Variants in UTP11 observed in about 807,000 individuals in gnomAD.
UTP11 encodes the protein UTP11 small subunit processome component.
A neutral mutation model predicts 39.0 loss-of-function variants in UTP11; 29 were observed. The ratio of observed to expected loss-of-function variants is 0.74; its 90% confidence interval spans 0.55 to 1.01. The LOEUF (loss-of-function observed/expected upper bound fraction) is 1.01. Among genes scored for constraint, UTP11 ranks in the 50% least tolerant of loss-of-function variants. The probability of loss-of-function intolerance (pLI) is 0.00; values close to 1 mark genes in which losing one functional copy is unlikely to be tolerated. For synonymous variants in UTP11, 111 were observed against 105.0 expected, an observed-to-expected ratio of 1.06 and a Z score of -0.35; for missense variants, 281 against 306.0, an observed-to-expected ratio of 0.92 and a Z score of 0.61.
intron 6 of UTP11, 114 bp from the exon 7 acceptor site, chr1:38,022,585 G>A (rs973002086): frequency 1.0e-5 from 7 of 686,830 alleles, no homozygotes; most frequent in Non-Finnish European, 1.8e-5. Flanking sequence ...TGATTCTGGT[G>A]AAAGAAGGGA....
intron 1 of UTP11, 66 bp downstream of exon 1, chr1:38,012,931 G>C: frequency 6.2e-7 from 1 of 1,600,826 alleles, no homozygotes; most frequent in South Asian, 1.1e-5. Flanking sequence ...CCCCAACCCT[G>C]TCGCCACCGT....
At chr1:38,020,208 C>T (rs894818898) in intron 6 of UTP11, among the ~76,000 whole-genome samples, 3 of 151,986 alleles carry the variant, frequency 2.0e-5, no homozygotes, top group African/African-American at 7.3e-5. Flanking sequence ...CTTAAGCGAT[C>T]CTCCTGCCTC....
chr1:38,023,441 C>T, intron 7 of UTP11, 104 bp from the exon 8 acceptor site: 1 of 1,005,452 alleles, frequency 9.9e-7, no homozygotes, highest in Middle Eastern at 3.1e-4. Flanking sequence ...CCGTTCTCAA[C>T]TTTGAGAAGG....
In UTP11 at chr1:38,017,781, A is replaced by G. The variant is rs758310429; in HGVS notation, c.228+11A>G. ...CGGGTTAAACTCCAGGTGGGTGCCC[A>G]ATGGCTTGGTTGGTGTTTTGAGCTC... On this transcript the variant is annotated intron_variant, in intron 3 of 7. Transcript: ENST00000373014. 17 of 1,598,930 alleles carry G rather than the reference A, an allele frequency of 1.1e-5. No individual in the cohort carries two copies. The highest frequency in any genetic ancestry group is 7.1e-5 in the Admixed American group (4 of 56,448).
intron 1 of UTP11, among the ~76,000 whole-genome samples, chr1:38,014,616 A>G (rs1328872603): frequency 2.0e-5 from 3 of 152,078 alleles, no homozygotes; most frequent in Non-Finnish European, 2.9e-5. Context: ...TAAAGTTAAA[A>G]TTATTAGGGG....
chr1:38,015,978 G>T (rs1646705196), intron 1 of UTP11, among the ~76,000 whole-genome samples: 1 of 152,200 alleles, frequency 6.6e-6, no homozygotes. Flanking sequence ...TCTAAATTTA[G>T]CTCCCTTACC....
At chr1:38,015,019 GT>G (rs1287440927) in intron 1 of UTP11, among the ~76,000 whole-genome samples, 2 of 151,566 alleles carry the variant, frequency 1.3e-5, no homozygotes, top group South Asian at 2.1e-4. Context: ...TATTATACAA[GT>G]TTTTTTTTGT....
chr1:38,012,831 A>G lies in UTP11; in HGVS notation c.29A>G (p.Lys10Arg). ...GCGGCGGCTTTTCGGAAGGCGGCTA[A>G]GTCCCGGCAGCGGGAACACAGAGAG... Reference protein sequence around the residue: MAAAFRKAAKSRQREHRERS... With the variant: MAAAFRKAARSRQREHRERS... Residue 10 changes from lysine to arginine, a missense_variant, in exon 1 of 8, where the codon AAG (lysine) becomes AGG (arginine). Transcript: ENST00000373014. 6.2e-7 allele frequency: 1 copy of G among 1,614,226 alleles called. No homozygotes were observed. Among genetic ancestry groups the G allele is most frequent in the Non-Finnish European group, 8.5e-7 (1 of 1,180,032 alleles).
chr1:38,017,727 A>G lies in UTP11; in HGVS notation c.185A>G (p.Asn62Ser), dbSNP rs1646714338. 1.4e-5 allele frequency: 23 copies of G among 1,612,096 alleles called. No individual in the cohort carries two copies. The highest frequency in any genetic ancestry group is 1.7e-5 in the Non-Finnish European group (20 of 1,179,244). Residue 62 changes from asparagine to serine, a missense_variant, in exon 3 of 8, where the codon AAT becomes AGT. Physicochemically the swap from Asn to Ser is conservative, Grantham distance 46. Transcript: ENST00000373014. ...KALRKKALEK[N>S]PDEFYYKMTR... ...CTTCGGAAGAAGGCTCTTGAAAAAA[A>G]TCCAGATGAATTCTACTACAAAATG...
rs199693054 is a variant in UTP11 at position 38,022,791 on chromosome 1, A to G, written c.660A>G (p.Gln220=). 7 of 1,613,674 alleles carry G rather than the reference A, an allele frequency of 4.3e-6. No individual in the cohort carries two copies. The highest frequency in any genetic ancestry group is 5.1e-6 in the Non-Finnish European group (6 of 1,179,636). Residue 220 remains glutamine (Q), a synonymous_variant, in exon 7 of 8, where the codon CAA becomes CAG. Coordinates refer to ENST00000373014, the MANE Select transcript of UTP11 (RefSeq NM_016037.4). ...TGTTCGTTATTGCTCAGAAAATTCA[A>G]ACACGCAAAGATCTTATGGTGAGGA... The part of the protein sequence containing the change: ...KKLFVIAQKI[Q]TRKDLMDKTQ...
chr1:38,022,916 G>A, intron 7 of UTP11, 107 bp downstream of exon 7: 1 of 749,966 alleles, frequency 1.3e-6, no homozygotes, highest in Non-Finnish European at 2.2e-6. Flanking sequence ...CAACCCCAGT[G>A]AAAATGTCTG....
At chr1:38,022,959 G>A in intron 7 of UTP11, 150 bp downstream of exon 7, 5 of 623,128 alleles carry the variant, frequency 8.0e-6, no homozygotes, top group Non-Finnish European at 1.4e-5. Context: ...GCCAGTGTCT[G>A]TTACTCTGAC....
chr1:38,023,305 A>G (rs2148739975), intron 7 of UTP11, among the ~76,000 whole-genome samples: 1 of 152,326 alleles, frequency 6.6e-6, no homozygotes, highest in Non-Finnish European at 1.5e-5. Flanking sequence ...ATTTTAAATG[A>G]AACAACTACT....
rs772994909 is a variant in UTP11, at chr1:38,019,039, G to T, written c.343-20G>T. On this transcript the variant is annotated intron_variant, in intron 4 of 7. Coordinates refer to ENST00000373014, the MANE Select transcript of UTP11 (RefSeq NM_016037.4). Reference sequence around the variant, plus strand: ...CCTAGAAGAATCTAATATAAAGTGAGACCATATTCTGTGTTCTAGAAAATC... The same window carrying T: ...CCTAGAAGAATCTAATATAAAGTGATACCATATTCTGTGTTCTAGAAAATC... 3 of 1,576,934 alleles carry T rather than the reference G, an allele frequency of 1.9e-6. No individual in the cohort carries two copies. The highest frequency in any genetic ancestry group is 3.4e-4 in the Middle Eastern group (2 of 5,970).
chr1:38,021,412 C>T (rs538933286), intron 6 of UTP11, among the ~76,000 whole-genome samples: 1 of 152,266 alleles, frequency 6.6e-6, no homozygotes, highest in East Asian at 1.9e-4. Flanking sequence ...ACTGCAAAAT[C>T]ATTTTTATTA....
chr1:38,021,690 C>T (rs1392052442), intron 6 of UTP11, among the ~76,000 whole-genome samples: 5 of 152,060 alleles, frequency 3.3e-5, no homozygotes, highest in Admixed American at 6.6e-5. Context: ...GTCAGGAGTT[C>T]GAGACTAGCC....
chr1:38,017,634 T>C, intron 2 of UTP11, 34 bp from the exon 3 acceptor site: 1 of 1,429,892 alleles, frequency 7.0e-7, no homozygotes, highest in Non-Finnish European at 9.3e-7. Flanking sequence ...ATTTTTTTTT[T>C]TTTGCTATGA....
At chr1:38,021,008 G>A (rs1017351162) in intron 6 of UTP11, among the ~76,000 whole-genome samples, 1 of 151,420 alleles carries the variant, frequency 6.6e-6, no homozygotes, top group Admixed American at 6.6e-5. Context: ...TGCAACCTCT[G>A]CCTCCTGGGT....
rs140987712 is a variant in UTP11, at chr1:38,023,597, T to C, written c.731T>C (p.Ile244Thr). 191 of 1,610,924 alleles carry C rather than the reference T, an allele frequency of 1.2e-4. No individual in the cohort carries two copies. The highest frequency in any genetic ancestry group is 1.4e-4 in the Non-Finnish European group (166 of 1,178,790). The change falls in exon 8 of 8, where the codon ATT becomes ACT. Residue 244 changes from isoleucine to threonine, a missense_variant. Physicochemically the swap from Ile to Thr is moderately conservative, Grantham distance 89. Transcript: ENST00000373014. ...AAAGAAACGGTGAACTCCCCAGCTATTTATAAATTTCAGAGTCGTCGAAAA... is the reference window on the plus strand; with the variant it reads ...AAAGAAACGGTGAACTCCCCAGCTACTTATAAATTTCAGAGTCGTCGAAAA... Reference protein sequence around the residue: ...VKKETVNSPAIYKFQSRRKR With the variant: ...VKKETVNSPATYKFQSRRKR
Sources: gnomAD v4.1 joint callset for allele counts (sites outside exome capture counted in the v4.1 genomes callset) on GRCh38, gnomAD v4.1.1 for gene constraint, MANE v1.5 for transcripts, NCBI Gene and HGNC (gene_info 2026-07-23, HGNC 2026-07-21) for gene names.